The following HAND1 variants were observed in gnomAD, a reference collection of about 807,000 sequenced individuals.
The protein encoded by HAND1 is heart- and neural crest derivatives-expressed protein 1.
A neutral mutation model predicts 14.5 loss-of-function variants in HAND1; 10 were observed. The observed-to-expected ratio is 0.69, with a 90% CI of 0.42 to 1.17. The LOEUF is 1.17. Among genes scored for constraint, HAND1 ranks in the 50% most tolerant of loss-of-function variants. HAND1 has a pLI of 0.00. For missense variants in HAND1, 299 were observed against 298.4 expected, an observed-to-expected ratio of 1.00 and a Z score of -0.01; for synonymous variants, 128 against 127.1, an observed-to-expected ratio of 1.01 and a Z score of -0.05.
At chr5:154,476,356 G>T (rs1757542520) in intron 1 of HAND1, among the ~76,000 whole-genome samples, 1 of 152,194 alleles carries the variant, frequency 6.6e-6, no homozygotes, top group East Asian at 1.9e-4. Context: ...CCGGAGCTGG[G>T]AGCCTCAGAT....
At chr5:154,477,108 A>G (rs1426564842) in intron 1 of HAND1, among the ~76,000 whole-genome samples, 4 of 152,164 alleles carry the variant, frequency 2.6e-5, no homozygotes, top group Non-Finnish European at 5.9e-5. Context: ...TTCAAACTCA[A>G]AGTAAAGAAC....
In HAND1 at chr5:154,477,502, C is replaced by T. The variant is rs774078948; in HGVS notation, c.507G>A (p.Ala169=). 3.7e-6 allele frequency: 6 copies of T among 1,614,164 alleles called. No individual in the cohort carries two copies. Among genetic ancestry groups the T allele is most frequent in the South Asian group, 3.3e-5 (3 of 91,080 alleles). ...PEAFKAELKK[A]DGGRESKRKR... ...TCCGCTTGCTCTCACGGCCGCCATC[C>T]GCCTTCTTGAGTTCAGCCTTGAAGG... Residue 169 remains alanine, a synonymous_variant, in exon 1 of 2, where the codon GCG becomes GCA. Coordinates refer to ENST00000231121, the MANE Select transcript of HAND1 (RefSeq NM_004821.3).
rs774267927 is a variant in HAND1, at chr5:154,477,667, G to T, written c.342C>A (p.Phe114Leu). ...TGGGGATGCACTCGCGCAACTCCGCGAATGCGCTGTTAATGCTCTCAGTGC... is the reference window on the plus strand; with the variant it reads ...TGGGGATGCACTCGCGCAACTCCGCTAATGCGCTGTTAATGCTCTCAGTGC... ...RRRTESINSA[F>L]AELRECIPNV... Residue 114 changes from phenylalanine to leucine, a missense_variant, in exon 1 of 2, where the codon TTC becomes TTA. By Grantham distance (22) the Phe-to-Leu change is conservative. Coordinates refer to ENST00000231121, the MANE Select transcript of HAND1 (RefSeq NM_004821.3). The T allele has an allele frequency of 3.7e-6, 6 of 1,614,228 alleles. No individual in the cohort carries two copies. The highest frequency in any genetic ancestry group is 5.1e-6 in the Non-Finnish European group (6 of 1,180,034).
rs1473578011 is a variant in HAND1, at chr5:154,475,626, T to C, written c.*180A>G. ...ATGTATTAAAAAAAATCAAAGGACA[T>C]TGCACGTGCGATCCAAGTGTGTGGT... On this transcript the variant is annotated 3_prime_UTR_variant, in exon 2 of 2. Transcript: ENST00000231121. 1 of 627,816 alleles carries C rather than the reference T, an allele frequency of 1.6e-6. No individual in the cohort carries two copies. The highest frequency in any genetic ancestry group is 2.9e-6 in the Non-Finnish European group (1 of 348,486). 38.9% of individuals were successfully genotyped at this position (627,816 alleles called of 1,614,324 possible).
At chr5:154,476,473 C>T (rs1000170227) in intron 1 of HAND1, among the ~76,000 whole-genome samples, 1 of 152,122 alleles carries the variant, frequency 6.6e-6, no homozygotes, top group African/African-American at 2.4e-5. Flanking sequence ...GCGTGGGGGC[C>T]GGGATCCGCC....
chr5:154,476,015 G>A (rs1023004143), intron 1 of HAND1, 105 bp from the exon 2 acceptor site: 8 of 828,486 alleles, frequency 9.7e-6, no homozygotes, highest in Non-Finnish European at 1.7e-5. Context: ...GAAGGTGTCG[G>A]GAGCAGTAAC....
chr5:154,477,878 C>G lies in HAND1; in HGVS notation c.131G>C (p.Ser44Thr), dbSNP rs1297503043. The G allele has an allele frequency of 6.2e-7, 1 of 1,601,122 alleles. No individual in the cohort carries two copies. Among genetic ancestry groups the G allele is most frequent in the African/African-American group, 1.3e-5 (1 of 74,910 alleles). ...AGCGTCAGCCGGGCTCAGCAGCCAG[C>G]TCTGGAAGTAGGGCCTTTCCTGATG... is the stretch of plus-strand genomic sequence containing the variant. ...RCHQERPYFQSWLLSPADAAP... is the reference protein window; with the variant it reads ...RCHQERPYFQTWLLSPADAAP... The change falls in exon 1 of 2, where the codon AGC becomes ACC. Residue 44 changes from serine to threonine, a missense_variant. Coordinates refer to ENST00000231121, the MANE Select transcript of HAND1 (RefSeq NM_004821.3).
Position 154,477,898 on chromosome 5 carries a change from C to G in HAND1, c.111G>C (p.Gln37His), listed in dbSNP as rs759535790. 1 of 1,600,050 alleles carries G rather than the reference C, an allele frequency of 6.2e-7. No individual in the cohort carries two copies. The highest frequency in any genetic ancestry group is 8.5e-7 in the Non-Finnish European group (1 of 1,179,842). Residue 37 changes from glutamine to histidine, a missense_variant, in exon 1 of 2, where the codon CAG becomes CAC. Physicochemically the swap from Gln to His is conservative, Grantham distance 24. Coordinates refer to ENST00000231121, the MANE Select transcript of HAND1 (RefSeq NM_004821.3). ...FLFGPASRCH[Q>H]ERPYFQSWLL... ...GCCAGCTCTGGAAGTAGGGCCTTTC[C>G]TGATGACAGCGCGAGGCCGGACCGA...
chr5:154,478,156 A>C lies in HAND1; in HGVS notation c.-148T>G. The C allele has an allele frequency of 1.2e-6, 1 of 814,958 alleles. No homozygotes were observed. Among genetic ancestry groups the C allele is most frequent in the Non-Finnish European group, 2.0e-6 (1 of 508,880 alleles). 50.5% of individuals were successfully genotyped at this position (814,958 alleles called of 1,614,324 possible). A position where few individuals can be genotyped will look rare whatever the true frequency, so the allele number is the denominator to read the frequency against. On this transcript the variant is annotated 5_prime_UTR_variant, in exon 1 of 2. Coordinates refer to ENST00000231121, the MANE Select transcript of HAND1 (RefSeq NM_004821.3). This position sits in a 1 kb window ranked among gnomAD's most constrained non-coding sequence, Gnocchi z 4.5. ...GGGCAAGGCTGAAAATGAGACGCGC[A>C]GCCCACTGTCTTCTTACCGGTTTCT...
At position 154,475,758 on chromosome 5, in the gene HAND1, G is replaced by A. The variant is rs1233403496; in HGVS notation, c.*48C>T. On this transcript the variant is annotated 3_prime_UTR_variant, in exon 2 of 2. Transcript: ENST00000231121. Reference sequence around the variant, plus strand: ...CGCCGCTGCCTTCCTCTCCTCCCGGGGCTTCAGGAGTGGCTGGCCTGGCCA... The same window carrying A: ...CGCCGCTGCCTTCCTCTCCTCCCGGAGCTTCAGGAGTGGCTGGCCTGGCCA... 7.6e-7 allele frequency: 1 copy of A among 1,320,964 alleles called. No individual in the cohort carries two copies. Among genetic ancestry groups the A allele is most frequent in the Admixed American group, 1.7e-5 (1 of 59,578 alleles). 81.8% of individuals were successfully genotyped at this position (1,320,964 alleles called of 1,614,324 possible).
chr5:154,477,964 G>T lies in HAND1; in HGVS notation c.45C>A (p.His15Gln). Reference protein sequence around the residue: ...GSYAHHHHHHHPHPAHPMLHE... With the variant: ...GSYAHHHHHHQPHPAHPMLHE... Reference sequence around the variant, plus strand: ...GGAGCATGGGGTGCGCAGGGTGCGGGTGGTGATGGTGGTGATGGTGTGCGT... The same window carrying T: ...GGAGCATGGGGTGCGCAGGGTGCGGTTGGTGATGGTGGTGATGGTGTGCGT... The change falls in exon 1 of 2, where the codon CAC becomes CAA. Residue 15 changes from histidine (H) to glutamine (Q), a missense_variant. His to Gln is a conservative substitution (Grantham distance 24, BLOSUM62 0). Coordinates refer to ENST00000231121, the MANE Select transcript of HAND1 (RefSeq NM_004821.3). The T allele has an allele frequency of 6.3e-7, 1 of 1,598,174 alleles. No individual in the cohort carries two copies. The highest frequency in any genetic ancestry group is 2.2e-5 in the East Asian group (1 of 44,858).
In HAND1 at chr5:154,475,740, G is replaced by C; in HGVS notation, c.*66C>G. On this transcript the variant is annotated 3_prime_UTR_variant, in exon 2 of 2. Transcript: ENST00000231121. Reference sequence around the variant, plus strand: ...AGCCCAGAGCCTGGCGTTCGCCGCTGCCTTCCTCTCCTCCCGGGGCTTCAG... The same window carrying C: ...AGCCCAGAGCCTGGCGTTCGCCGCTCCCTTCCTCTCCTCCCGGGGCTTCAG... 1 of 1,174,220 alleles carries C rather than the reference G, an allele frequency of 8.5e-7. No homozygotes were observed. The highest frequency in any genetic ancestry group is 1.3e-6 in the Non-Finnish European group (1 of 782,440). 72.7% of individuals were successfully genotyped at this position (1,174,220 alleles called of 1,614,324 possible). A position where few individuals can be genotyped will look rare whatever the true frequency, so the allele number is the denominator to read the frequency against.
rs139139273 is a variant in HAND1 at position 154,475,596 on chromosome 5, T to C, written c.*210A>G. Reference sequence around the variant, plus strand: ...GTGGATATATATATATTTCTCTTTCTCTTAATGTATTAAAAAAAATCAAAG... The same window carrying C: ...GTGGATATATATATATTTCTCTTTCCCTTAATGTATTAAAAAAAATCAAAG... On this transcript the variant is annotated 3_prime_UTR_variant, in exon 2 of 2. Transcript: ENST00000231121. 1.3e-3 allele frequency: 743 copies of C among 593,756 alleles called. 4 individuals carry two copies. The highest frequency in any genetic ancestry group is 0.012 in the African/African-American group (669 of 53,694). The allele number at this position is 593,756 out of a possible 1,614,324, so 36.8% of individuals were successfully genotyped here.
In HAND1 at chr5:154,475,688, C is replaced by T. The variant is rs1757529613; in HGVS notation, c.*118G>A. 1.7e-5 allele frequency: 13 copies of T among 769,186 alleles called. No individual in the cohort carries two copies. The highest frequency in any genetic ancestry group is 2.7e-5 in the Non-Finnish European group (12 of 436,880). 47.6% of individuals were successfully genotyped at this position (769,186 alleles called of 1,614,324 possible). On this transcript the variant is annotated 3_prime_UTR_variant, in exon 2 of 2. Transcript: ENST00000231121. ...ACCTGCCGGCGCTCAGCAGAAGCTC[C>T]GCGGGATGCGTAGCACCAGTCGCCG... is the stretch of plus-strand genomic sequence containing the variant.
Position 154,477,553 on chromosome 5 carries a change from C to G in HAND1, c.456G>C (p.Lys152Asn). 6.2e-7 allele frequency: 1 copy of G among 1,614,186 alleles called. No individual in the cohort carries two copies. The highest frequency in any genetic ancestry group is 8.5e-7 in the Non-Finnish European group (1 of 1,180,024). Residue 152 changes from lysine (K) to asparagine (N), a missense_variant, in exon 1 of 2, where the codon AAG becomes AAC. Transcript: ENST00000231121. ...YIAYLMDVLA[K>N]DAQSGDPEAF... ...CCTCGGGATCGCCAGACTGTGCATC[C>G]TTGGCCAGCACGTCCATCAGGTAGG...
chr5:154,477,832 G>T lies in HAND1; in HGVS notation c.177C>A (p.Gly59=). Residue 59 remains glycine (G), a synonymous_variant, in exon 1 of 2, where the codon GGC becomes GGA. Coordinates refer to ENST00000231121, the MANE Select transcript of HAND1 (RefSeq NM_004821.3). ...PADAAPDFPA[G]GPPPAAAAAA... The stretch of plus-strand genomic sequence containing the variant: ...CTGCAGCGGCCGCGGGCGGCGGCCC[G>T]CCCGCAGGGAAGTCCGGGGCAGCGT... The T allele has an allele frequency of 6.3e-7, 1 of 1,597,808 alleles. No homozygotes were observed. The highest frequency in any genetic ancestry group is 8.5e-7 in the Non-Finnish European group (1 of 1,177,530).
In HAND1 at chr5:154,477,452, GC is replaced by G; in HGVS notation, c.543+13del. 6.2e-7 allele frequency: 1 copy of G among 1,608,024 alleles called. No homozygotes were observed. The highest frequency in any genetic ancestry group is 1.1e-5 in the South Asian group (1 of 90,964). On this transcript the variant is annotated intron_variant, in intron 1 of 1. Transcript: ENST00000231121. ...CTGCACCCTTGGCTGGAGCATGCAA[GC>G]CCCAGGACTCACCAGCTCCCTTTTC...
intron 1 of HAND1, 32 bp downstream of exon 1, chr5:154,477,434 C>T (rs201886008): frequency 1.0e-5 from 16 of 1,563,674 alleles, no homozygotes; most frequent in Non-Finnish European, 1.4e-5. Context: ...CTCCTGCACC[C>T]TTGGCTGGAG....
chr5:154,477,034 G>A (rs4370323), intron 1 of HAND1, among the ~76,000 whole-genome samples: 27,614 of 152,046 alleles, frequency 0.18, 3,176 homozygotes, highest in Admixed American at 0.34. Context: ...ATACAATGAT[G>A]GAAGTAGACT....
Sources: allele counts gnomAD v4.1 joint callset (sites outside exome capture counted in the v4.1 genomes callset), GRCh38; gene constraint gnomAD v4.1.1; non-coding constraint Gnocchi (gnomAD v3.1); transcripts MANE v1.5; gene names NCBI Gene and HGNC (gene_info 2026-07-23, HGNC 2026-07-21).